The following PPARG variants were observed in gnomAD, a reference collection of about 807,000 sequenced individuals.
The protein encoded by PPARG is peroxisome proliferator-activated receptor gamma.
A neutral mutation model predicts 39.2 loss-of-function variants in PPARG; 17 were observed. That is an observed-to-expected ratio of 0.43 (90% CI 0.30 to 0.65). The LOEUF (loss-of-function observed/expected upper bound fraction) is 0.65, where lower values mean the gene tolerates loss of function less well. PPARG is among the 30% of genes least tolerant of loss of function. PPARG has a pLI of 0.13. For missense variants in PPARG, 406 were observed against 585.9 expected (o/e 0.69, Z 3.17); for synonymous variants, 223 against 215.7 (o/e 1.03, Z -0.30).
At chr3:12,346,698 G>A (rs542197308) in intron 2 of PPARG, among the ~76,000 whole-genome samples, 5 of 151,850 alleles carry the variant, frequency 3.3e-5, no homozygotes, top group Admixed American at 6.6e-5. Flanking sequence ...GCAGTGATGC[G>A]ATTACAGCTC....
At chr3:12,308,166 A>C (rs1239423866) in intron 1 of PPARG, among the ~76,000 whole-genome samples, 1 of 151,940 alleles carries the variant, frequency 6.6e-6, no homozygotes, top group Admixed American at 6.6e-5. Context: ...CAACATAAGG[A>C]GATCTCGCCT....
At chr3:12,364,517 G>T (rs183363388) in intron 2 of PPARG, among the ~76,000 whole-genome samples, 124 of 152,304 alleles carry the variant, frequency 8.1e-4, no homozygotes, top group African/African-American at 2.9e-3. Context: ...ATAAACACCT[G>T]TGTGTGGGTT....
At chr3:12,340,213 T>C (rs572486061) in intron 2 of PPARG, among the ~76,000 whole-genome samples, 22 of 152,358 alleles carry the variant, frequency 1.4e-4, no homozygotes, top group Non-Finnish European at 2.8e-4. Flanking sequence ...TTTGGATCCC[T>C]GTACAGATTT....
intron 2 of PPARG, among the ~76,000 whole-genome samples, chr3:12,349,323 T>A (rs2048414798): frequency 6.6e-6 from 1 of 152,278 alleles, no homozygotes; most frequent in Non-Finnish European, 1.5e-5. Flanking sequence ...TTGGCTCATC[T>A]ATCTTTATTT....
intron 7 of PPARG, among the ~76,000 whole-genome samples, chr3:12,427,166 T>C (rs2051477288): frequency 1.2e-5 from 1 of 83,730 alleles, no homozygotes; most frequent in African/African-American, 5.4e-5. Flanking sequence ...ATCGGTAGGA[T>C]GGTGGGAAGG....
intron 4 of PPARG, among the ~76,000 whole-genome samples, chr3:12,391,924 G>A (rs1195464472): frequency 6.6e-6 from 1 of 152,120 alleles, no homozygotes; most frequent in East Asian, 1.9e-4. Flanking sequence ...TCTTTCCAAA[G>A]ATGTAAATAT....
At chr3:12,362,927 A>T (rs114491646) in intron 2 of PPARG, among the ~76,000 whole-genome samples, 1,909 of 152,152 alleles carry the variant, frequency 0.013, 47 homozygotes, top group African/African-American at 0.044. Context: ...ATGCTTTCAT[A>T]GTTTGTTGTG....
rs2051087905 is a variant in PPARG at position 12,417,058 on chromosome 3, A to G, written c.1084A>G (p.Met362Val). The change falls in exon 7 of 8, where the codon ATG (methionine) becomes GTG (valine). Residue 362 changes from methionine to valine, a missense_variant. By Grantham distance (21) the Met-to-Val change is conservative. Transcript: ENST00000651735. ...CCTGCGAAAGCCTTTTGGTGACTTT[A>G]TGGAGCCCAAGTTTGAGTTTGCTGT... ...KSLRKPFGDF[M>V]EPKFEFAVKF... The G allele has an allele frequency of 6.2e-7, 1 of 1,613,404 alleles. No individual in the cohort carries two copies. Among genetic ancestry groups the G allele is most frequent in the Non-Finnish European group, 8.5e-7 (1 of 1,179,498 alleles).
At chr3:12,397,731 T>C (rs1170111259) in intron 5 of PPARG, among the ~76,000 whole-genome samples, 1 of 152,068 alleles carries the variant, frequency 6.6e-6, no homozygotes, top group Non-Finnish European at 1.5e-5. Context: ...TTTTTTTCTT[T>C]AGTCTTCTTG....
chr3:12,295,703 C>A (rs181151721), intron 1 of PPARG, among the ~76,000 whole-genome samples: 1 of 151,812 alleles, frequency 6.6e-6, no homozygotes, highest in South Asian at 2.1e-4. Flanking sequence ...TTATTAGAGA[C>A]GGGGTTTCAC....
At chr3:12,431,538 A>G (rs2051659476) in intron 7 of PPARG, among the ~76,000 whole-genome samples, 1 of 152,240 alleles carries the variant, frequency 6.6e-6, no homozygotes, top group Non-Finnish European at 1.5e-5. Context: ...CACAATTTTT[A>G]AAAACAGACT....
At chr3:12,412,008 A>G (rs1295321696) in intron 6 of PPARG, among the ~76,000 whole-genome samples, 1 of 152,172 alleles carries the variant, frequency 6.6e-6, no homozygotes, top group Non-Finnish European at 1.5e-5. Context: ...GCCAGTTTTC[A>G]CTCTGACAGG....
At chr3:12,289,201 T>A (rs1324353082) in intron 1 of PPARG, 67 bp downstream of exon 1, 1 of 152,148 alleles carries the variant, frequency 6.6e-6, no homozygotes, top group African/African-American at 2.4e-5. Context: ...ATTTGCAAAA[T>A]TATTGTATTA....
chr3:12,428,311 C>T (rs530499891), intron 7 of PPARG, among the ~76,000 whole-genome samples: 1 of 152,322 alleles, frequency 6.6e-6, no homozygotes, highest in African/African-American at 2.4e-5. Context: ...GTTTCTTTCC[C>T]AATTCTTCAC....
At position 12,325,061 on chromosome 3, in the gene PPARG, C is replaced by T. The variant is rs550079903; in HGVS notation, c.-9+12608C>T. Among the ~76,000 whole-genome samples, 1,062 of 151,556 alleles carry T rather than the reference C, an allele frequency of 7.0e-3. 10 individuals carry two copies. Among genetic ancestry groups the T allele is most frequent in the African/African-American group, 0.024 (1,012 of 41,322 alleles). ...CAGCACTTTGGGAGGCTGAGGCGGG[C>T]GGATCACTTGAGCTCAGGAGGTCAA... On this transcript the variant is annotated intron_variant, in intron 2 of 7. Transcript: ENST00000651735.
At chr3:12,372,362 A>G (rs569315002) in intron 2 of PPARG, among the ~76,000 whole-genome samples, 6 of 152,358 alleles carry the variant, frequency 3.9e-5, no homozygotes, top group Admixed American at 1.3e-4. Context: ...TCTGGATTCA[A>G]TGCCAGTTCT....
At chr3:12,350,144 C>G (rs2048438320) in intron 2 of PPARG, among the ~76,000 whole-genome samples, 1 of 152,096 alleles carries the variant, frequency 6.6e-6, no homozygotes, top group Non-Finnish European at 1.5e-5. Flanking sequence ...AGGAGAAGCT[C>G]CTTTATTGAG....
At chr3:12,381,156 C>A (rs746537702) in intron 3 of PPARG, among the ~76,000 whole-genome samples, 166 bp from the exon 4 acceptor site, 22 of 152,230 alleles carry the variant, frequency 1.4e-4, no homozygotes, top group South Asian at 4.1e-4. Context: ...TGATTACAAA[C>A]CTTTCTTTTT....
chr3:12,361,918 T>C lies in PPARG; in HGVS notation c.-8-17786T>C, dbSNP rs555083232. ...AATCTATAGATAAATTGGGAGATAA[T>C]TGAAAGCTTTACAATATTGAGTCCT... On this transcript the variant is annotated intron_variant, in intron 2 of 7. Coordinates refer to ENST00000651735, the MANE Select transcript of PPARG (RefSeq NM_138711.6). Among the ~76,000 whole-genome samples, 65 of 152,330 alleles carry C rather than the reference T, an allele frequency of 4.3e-4. No homozygotes were observed. In the South Asian group the frequency reaches 7.5e-3, roughly 17 times the overall value.
Sources: allele counts gnomAD v4.1 joint callset (sites outside exome capture counted in the v4.1 genomes callset), GRCh38; gene constraint gnomAD v4.1.1; transcripts MANE v1.5; gene names NCBI Gene and HGNC (gene_info 2026-07-23, HGNC 2026-07-21).